The following ADAMTS14 variants were observed in gnomAD, a reference collection of about 807,000 sequenced individuals.
The protein encoded by ADAMTS14 is ADAM metallopeptidase with thrombospondin type 1 motif 14.
A neutral mutation model predicts 128.6 loss-of-function variants in ADAMTS14; 100 were observed. The observed-to-expected ratio is 0.78, with a 90% CI of 0.66 to 0.92. The LOEUF is 0.92. Among genes scored for constraint, ADAMTS14 ranks in the 40% least tolerant of loss-of-function variants. The probability of loss-of-function intolerance (pLI) is 0.00; values close to 1 mark genes in which losing one functional copy is unlikely to be tolerated. For missense variants in ADAMTS14, 1,562 were observed against 1,658.6 expected (o/e 0.94, Z 1.01); for synonymous variants, 665 against 653.8 (o/e 1.02, Z -0.26).
chr10:70,746,840 G>A (rs775276962), intron 15 of ADAMTS14, among the ~76,000 whole-genome samples: 13 of 152,074 alleles, frequency 8.5e-5, no homozygotes, highest in South Asian at 4.2e-4. Flanking sequence ...GCAGGGTCCC[G>A]GTGGCAAGTG....
rs776413751 is a variant in ADAMTS14 at position 70,736,788 on chromosome 10, G to T, written c.1594G>T (p.Gly532Cys). The T allele has an allele frequency of 1.2e-6, 2 of 1,613,408 alleles. No homozygotes were observed. The highest frequency in any genetic ancestry group is 1.7e-6 in the Non-Finnish European group (2 of 1,179,618). The change falls in exon 10 of 22, where the codon GGC becomes TGC. Residue 532 changes from glycine (G) to cysteine (C), a missense_variant. Gly to Cys is a radical substitution (Grantham distance 159). Transcript: ENST00000373207. ...PPLDGTECAP[G>C]KWCFKGHCIW... ...GCTGGATGGGACTGAGTGTGCACCCGGCAAGGTACCTGTGGGGTGTGCAGC... is the reference window on the plus strand; with the variant it reads ...GCTGGATGGGACTGAGTGTGCACCCTGCAAGGTACCTGTGGGGTGTGCAGC...
intron 2 of ADAMTS14, among the ~76,000 whole-genome samples, chr10:70,687,226 T>C (rs78262745): frequency 0.021 from 688 of 33,226 alleles, no homozygotes; most frequent in Admixed American, 0.034. Flanking sequence ...GGCGGCTGGC[T>C]GGGCGGGGGG....
intron 7 of ADAMTS14, among the ~76,000 whole-genome samples, chr10:70,732,799 G>A (rs909896296): frequency 6.6e-6 from 1 of 152,240 alleles, no homozygotes; most frequent in Non-Finnish European, 1.5e-5. Flanking sequence ...GTGCTGGCCT[G>A]AGCCCACTGT....
At chr10:70,729,529 ATGGAGCCTT>A in intron 5 of ADAMTS14, 152 bp downstream of exon 5, 1 of 696,780 alleles carries the variant, frequency 1.4e-6, no homozygotes, top group South Asian at 1.7e-5. Context: ...GGCTTCAGTG[ATGGAGCCTT>A]TGGAGGTGGT....
chr10:70,730,055 G>A, intron 5 of ADAMTS14, 47 bp from the exon 6 acceptor site: 5 of 1,537,502 alleles, frequency 3.3e-6, no homozygotes, highest in Middle Eastern at 2.4e-4. Flanking sequence ...CTGTTTCTAG[G>A]GCTCTGACCC....
chr10:70,710,177 G>A (rs985260264), intron 4 of ADAMTS14, among the ~76,000 whole-genome samples: 1 of 152,246 alleles, frequency 6.6e-6, no homozygotes, highest in Admixed American at 6.5e-5. Flanking sequence ...TGGGGGAGGT[G>A]GGCAGTGGTG....
chr10:70,752,841 G>C (rs374696928), intron 18 of ADAMTS14, among the ~76,000 whole-genome samples: 118 of 152,284 alleles, frequency 7.7e-4, no homozygotes, highest in African/African-American at 2.7e-3. Flanking sequence ...TTGGGGCAAG[G>C]GTGGGAACCG....
intron 2 of ADAMTS14, among the ~76,000 whole-genome samples, chr10:70,683,096 C>G (rs771273216): frequency 3.9e-5 from 6 of 152,256 alleles, no homozygotes; most frequent in Non-Finnish European, 5.9e-5. Flanking sequence ...TGCGCCCTGG[C>G]AGGCCCTGCA....
chr10:70,702,035 T>C (rs1237436025), intron 2 of ADAMTS14, among the ~76,000 whole-genome samples: 7 of 152,214 alleles, frequency 4.6e-5, no homozygotes, highest in Non-Finnish European at 7.3e-5. Flanking sequence ...TGAAATTTTA[T>C]GTAGAGCCCC....
At chr10:70,690,175 C>T (rs1840145140) in intron 2 of ADAMTS14, among the ~76,000 whole-genome samples, 2 of 143,366 alleles carry the variant, frequency 1.4e-5, no homozygotes, top group South Asian at 4.6e-4. Context: ...CATAGGTGAA[C>T]ATGTGAAGGG....
At chr10:70,715,571 C>T (rs184862988) in intron 4 of ADAMTS14, among the ~76,000 whole-genome samples, 1 of 152,112 alleles carries the variant, frequency 6.6e-6, no homozygotes, top group Admixed American at 6.5e-5. Flanking sequence ...AACAATGAAA[C>T]CCACTGCTGA....
Position 70,736,757 on chromosome 10 carries a change from G to A in ADAMTS14, c.1563G>A (p.Gly521=). 1 of 1,613,800 alleles carries A rather than the reference G, an allele frequency of 6.2e-7. No homozygotes were observed. The highest frequency in any genetic ancestry group is 8.5e-7 in the Non-Finnish European group (1 of 1,179,814). ...DNPYFCKTKK[G]PPLDGTECAP... The stretch of plus-strand genomic sequence containing the variant: ...CGTACTTCTGCAAGACCAAGAAGGG[G>A]CCCCCGCTGGATGGGACTGAGTGTG... The change falls in exon 10 of 22, where the codon GGG becomes GGA. Residue 521 remains glycine, a synonymous_variant. Coordinates refer to ENST00000373207, the MANE Select transcript of ADAMTS14 (RefSeq NM_080722.4).
At position 70,760,936 on chromosome 10, in the gene ADAMTS14, G is replaced by A; in HGVS notation, c.*83G>A. ...CAGCTCAGAGGACACACATAGCAGG[G>A]CAGGCGCAAGCACAGACTTCATTTT... On this transcript the variant is annotated 3_prime_UTR_variant, in exon 22 of 22. Coordinates refer to ENST00000373207, the MANE Select transcript of ADAMTS14 (RefSeq NM_080722.4). 6.8e-7 allele frequency: 1 copy of A among 1,461,796 alleles called. No individual in the cohort carries two copies. The highest frequency in any genetic ancestry group is 9.0e-7 in the Non-Finnish European group (1 of 1,104,988). The allele number at this position is 1,461,796 out of a possible 1,614,324, so 90.6% of individuals were successfully genotyped here. A position where few individuals can be genotyped will look rare whatever the true frequency, so the allele number is the denominator to read the frequency against.
chr10:70,749,055 C>A (rs1013840204), intron 15 of ADAMTS14, among the ~76,000 whole-genome samples: 8 of 152,214 alleles, frequency 5.3e-5, no homozygotes, highest in Admixed American at 2.6e-4. Context: ...AAATCTCTGC[C>A]TCTGTTCCAG....
chr10:70,757,464 G>T (rs1035967689), intron 19 of ADAMTS14, among the ~76,000 whole-genome samples: 1 of 152,130 alleles, frequency 6.6e-6, no homozygotes, highest in Non-Finnish European at 1.5e-5. Context: ...CCAGGGGTGG[G>T]GGGTAGCAGA....
chr10:70,692,641 T>G (rs1164635828), intron 2 of ADAMTS14, among the ~76,000 whole-genome samples: 2 of 152,226 alleles, frequency 1.3e-5, no homozygotes. Context: ...CATAGAAAAG[T>G]TAGAAAATAC....
intron 19 of ADAMTS14, among the ~76,000 whole-genome samples, chr10:70,754,452 G>A (rs1272196708): frequency 1.3e-5 from 2 of 152,218 alleles, no homozygotes; most frequent in Non-Finnish European, 2.9e-5. Context: ...ACAGACTGCA[G>A]TCGGAGCTGG....
intron 14 of ADAMTS14, 103 bp from the exon 15 acceptor site, chr10:70,745,123 C>A: frequency 9.6e-7 from 1 of 1,042,054 alleles, no homozygotes; most frequent in South Asian, 1.5e-5. Flanking sequence ...GTTCTGTGAT[C>A]AAATGAGATG....
intron 2 of ADAMTS14, among the ~76,000 whole-genome samples, chr10:70,678,324 A>C (rs1839704952): frequency 6.6e-6 from 1 of 152,226 alleles, no homozygotes; most frequent in Non-Finnish European, 1.5e-5. Flanking sequence ...GGTGCCATGC[A>C]GGGGGAAACC....
Sources: allele counts gnomAD v4.1 joint callset (sites outside exome capture counted in the v4.1 genomes callset), GRCh38; gene constraint gnomAD v4.1.1; transcripts MANE v1.5; gene names NCBI Gene and HGNC (gene_info 2026-07-23, HGNC 2026-07-21).